ALK: variants seen among roughly 807,000 people sequenced by gnomAD.
The protein encoded by ALK is ALK tyrosine kinase receptor.
Under a neutral mutation model 163.1 loss-of-function variants are expected in ALK, and 74 were observed. The observed-to-expected ratio is 0.45, with a 90% CI of 0.38 to 0.55. The LOEUF is 0.55. ALK is among the 20% of genes least tolerant of loss of function. The probability of loss-of-function intolerance (pLI) is 0.00; values close to 1 mark genes in which losing one functional copy is unlikely to be tolerated. For missense variants in ALK, 2,063 were observed against 2,105.3 expected (o/e 0.98, Z 0.39); for synonymous variants, 960 against 843.2 (o/e 1.14, Z -2.40).
At chr2:29,296,092 A>G (rs1488410928) in intron 9 of ALK, among the ~76,000 whole-genome samples, 2 of 152,208 alleles carry the variant, frequency 1.3e-5, no homozygotes, top group Non-Finnish European at 1.5e-5. Flanking sequence ...TGAACACTCC[A>G]TGGTTCCTGC....
chr2:29,427,036 T>A (rs1180976099), intron 4 of ALK, among the ~76,000 whole-genome samples: 2 of 1,716 alleles, frequency 1.2e-3, no homozygotes, highest in Non-Finnish European at 2.3e-3. Flanking sequence ...AGACTCCGTC[T>A]CAAAAAAAAA....
intron 3 of ALK, among the ~76,000 whole-genome samples, chr2:29,619,574 A>C (rs953929387): frequency 6.6e-6 from 1 of 152,110 alleles, no homozygotes; most frequent in African/African-American, 2.4e-5. Flanking sequence ...CCCAAATAGC[A>C]AGCAGCACTG....
chr2:29,795,128 A>T (rs1260493783), intron 1 of ALK, among the ~76,000 whole-genome samples: 1 of 152,196 alleles, frequency 6.6e-6, no homozygotes, highest in East Asian at 1.9e-4. Flanking sequence ...ATTTAGAAAA[A>T]CACTAAGACA....
chr2:29,356,556 A>G (rs189502539), intron 5 of ALK, among the ~76,000 whole-genome samples: 39 of 152,226 alleles, frequency 2.6e-4, no homozygotes, highest in African/African-American at 9.4e-4. Flanking sequence ...CCTTCTCCGC[A>G]CTTTGCTGCC....
At chr2:29,881,387 T>C (rs1199382485) in intron 1 of ALK, among the ~76,000 whole-genome samples, 1 of 152,218 alleles carries the variant, frequency 6.6e-6, no homozygotes, top group Non-Finnish European at 1.5e-5. Context: ...CTCTTCTGAT[T>C]GGCAGGTTGG....
chr2:29,295,678 A>T (rs968279222), intron 9 of ALK, among the ~76,000 whole-genome samples: 3 of 152,150 alleles, frequency 2.0e-5, no homozygotes, highest in African/African-American at 7.2e-5. Context: ...TTGGGCGAAA[A>T]ATGTGAAACC....
At chr2:29,316,486 T>C (rs1249021651) in intron 8 of ALK, among the ~76,000 whole-genome samples, 88 of 152,172 alleles carry the variant, frequency 5.8e-4, no homozygotes, top group African/African-American at 2.1e-3. Context: ...AACTCAAAGG[T>C]TATTAGAGAA....
rs925706525 is a variant in ALK, at chr2:29,739,444, G to A, written c.668-21747C>T. 1.5e-4 allele frequency among the ~76,000 whole-genome samples: 22 copies of A among 151,406 alleles called. 1 individual carries two copies. Among genetic ancestry groups the A allele is most frequent in the African/African-American group, 4.6e-4 (19 of 40,998 alleles). On this transcript the variant is annotated intron_variant, in intron 1 of 28. Coordinates refer to ENST00000389048, the MANE Select transcript of ALK (RefSeq NM_004304.5). ...GTGGTGGTATGTGCCTGTAGTCTCAGCTACTCAGGAGGCTGAGGCAGGAGA... is the reference window on the plus strand; with the variant it reads ...GTGGTGGTATGTGCCTGTAGTCTCAACTACTCAGGAGGCTGAGGCAGGAGA...
intron 1 of ALK, among the ~76,000 whole-genome samples, chr2:29,860,262 G>A (rs1666245948): frequency 6.6e-6 from 1 of 151,932 alleles, no homozygotes; most frequent in South Asian, 2.1e-4. Flanking sequence ...CAATTTTTGT[G>A]GTACCTCTCA....
intron 5 of ALK, among the ~76,000 whole-genome samples, chr2:29,382,781 C>A (rs1159697253): frequency 6.6e-6 from 1 of 152,244 alleles, no homozygotes; most frequent in Non-Finnish European, 1.5e-5. Flanking sequence ...TCAACTTGAA[C>A]TGTGGTTCAA....
At chr2:29,626,263 T>C (rs745985958) in intron 3 of ALK, among the ~76,000 whole-genome samples, 1 of 152,174 alleles carries the variant, frequency 6.6e-6, no homozygotes, top group Admixed American at 6.5e-5. Context: ...TCATCTTGCA[T>C]TGTAATAATC....
intron 1 of ALK, among the ~76,000 whole-genome samples, chr2:29,823,349 G>A (rs1665102793): frequency 6.6e-6 from 1 of 152,150 alleles, no homozygotes; most frequent in African/African-American, 2.4e-5. Context: ...CAGTAGAGTG[G>A]GGTGCTGCTG....
chr2:29,653,129 C>T (rs1677082784), intron 3 of ALK, among the ~76,000 whole-genome samples: 1 of 152,044 alleles, frequency 6.6e-6, no homozygotes. Flanking sequence ...TGGAGGATAC[C>T]CAGCTGGTGT....
chr2:29,494,871 TG>T (rs1408678571), intron 4 of ALK, among the ~76,000 whole-genome samples: 15 of 151,726 alleles, frequency 9.9e-5, no homozygotes, highest in Non-Finnish European at 2.2e-4. Context: ...TGTGTGTGTG[TG>T]TGTGCATGCA....
intron 1 of ALK, among the ~76,000 whole-genome samples, chr2:29,733,500 A>T (rs1029832675): frequency 3.5e-4 from 53 of 152,342 alleles, no homozygotes; most frequent in African/African-American, 1.2e-3. Context: ...CAGGCAAACT[A>T]TTTAACTTCT....
At chr2:29,686,539 TTACC>T (rs1192960875) in intron 3 of ALK, among the ~76,000 whole-genome samples, 3 of 152,182 alleles carry the variant, frequency 2.0e-5, no homozygotes, top group African/African-American at 7.2e-5. Context: ...GTCTAAGATC[TTACC>T]TAACAGATGA....
At chr2:29,466,051 C>G in intron 4 of ALK, among the ~76,000 whole-genome samples, 1 of 152,012 alleles carries the variant, frequency 6.6e-6, no homozygotes, top group Non-Finnish European at 1.5e-5. Context: ...ACATGAAAAA[C>G]CCTAGAACAC....
intron 4 of ALK, among the ~76,000 whole-genome samples, chr2:29,390,646 C>T (rs546044909): frequency 2.6e-5 from 4 of 151,630 alleles, no homozygotes; most frequent in Admixed American, 2.6e-4. Context: ...ACACAACTTT[C>T]AAATTTTCCT....
chr2:29,361,130 G>A (rs536279420), intron 5 of ALK, among the ~76,000 whole-genome samples: 6 of 152,330 alleles, frequency 3.9e-5, no homozygotes, highest in African/African-American at 1.4e-4. Context: ...GATCGCCGAC[G>A]CAGTCTCAAA....
Sources: gnomAD v4.1 joint callset for allele counts (sites outside exome capture counted in the v4.1 genomes callset) on GRCh38, gnomAD v4.1.1 for gene constraint, MANE v1.5 for transcripts, NCBI Gene and HGNC (gene_info 2026-07-23, HGNC 2026-07-21) for gene names.